Variants in IDO2 observed in about 807,000 individuals in gnomAD.
The protein encoded by IDO2 is indoleamine 2,3-dioxygenase-like 1 protein.
In IDO2, 46 loss-of-function variants were observed where a neutral mutation model predicts 45.1. That is an observed-to-expected ratio of 1.02 (90% CI 0.80 to 1.30). The LOEUF (loss-of-function observed/expected upper bound fraction) is 1.30. IDO2 is among the 50% of genes most tolerant of loss of function. The pLI is 0.00. For synonymous variants in IDO2, 218 were observed against 184.9 expected (o/e 1.18, Z -1.45); for missense variants, 544 against 491.8 (o/e 1.11, Z -1.00).
At chr8:39,977,618 C>T (rs1808278298) in intron 3 of IDO2, among the ~76,000 whole-genome samples, 1 of 152,196 alleles carries the variant, frequency 6.6e-6, no homozygotes, top group South Asian at 2.1e-4. Context: ...AAGTTCAAAG[C>T]TGCAGTGAGC....
intron 3 of IDO2, among the ~76,000 whole-genome samples, chr8:39,968,889 A>G (rs192686789): frequency 9.4e-6 from 1 of 106,482 alleles, no homozygotes; most frequent in Admixed American, 8.4e-5. Flanking sequence ...TTAAAAAAGT[A>G]AAAAAAAAAA....
intron 4 of IDO2, among the ~76,000 whole-genome samples, chr8:39,980,094 T>G (rs1016420380): frequency 3.3e-5 from 5 of 152,188 alleles, no homozygotes; most frequent in Admixed American, 3.3e-4. Flanking sequence ...GTGCTGGGAT[T>G]ACAGGCGTGA....
chr8:39,985,532 C>G lies in IDO2; in HGVS notation c.449+10C>G. The G allele has an allele frequency of 6.4e-7, 1 of 1,562,294 alleles. No homozygotes were observed. Among genetic ancestry groups the G allele is most frequent in the Non-Finnish European group, 8.7e-7 (1 of 1,151,884 alleles). ...GATTCCTGGAAATTGGGTAAGTTCT[C>G]AGAAATCATTTACGCACTTTAGAAT... On this transcript the variant is annotated intron_variant, in intron 6 of 10. Transcript: ENST00000502986.
At chr8:39,963,678 A>T in exon 3 of IDO2, 4 of 1,609,116 alleles carry the variant, frequency 2.5e-6, no homozygotes, top group Non-Finnish European at 3.4e-6. Context: ...ATTGATGCTC[A>T]CCAGCTTCAA....
chr8:39,937,059 A>C (rs1807563902), intron 1 of IDO2, among the ~76,000 whole-genome samples: 1 of 152,250 alleles, frequency 6.6e-6, no homozygotes, highest in South Asian at 2.1e-4. Context: ...TATTGTACAA[A>C]GAATATGATT....
At chr8:39,980,742 C>T (rs1038072263) in intron 4 of IDO2, among the ~76,000 whole-genome samples, 2 of 151,910 alleles carry the variant, frequency 1.3e-5, no homozygotes, top group African/African-American at 4.8e-5. Context: ...CAATGCATCT[C>T]TTTTCTTTTT....
At chr8:39,967,703 G>A (rs557074424) in intron 3 of IDO2, among the ~76,000 whole-genome samples, 38 of 152,256 alleles carry the variant, frequency 2.5e-4, no homozygotes, top group Admixed American at 1.8e-3. Flanking sequence ...GGCCAGGCTG[G>A]TCTCAAACTC....
chr8:40,011,487 G>A (rs1258925923), intron 9 of IDO2, among the ~76,000 whole-genome samples: 1 of 152,136 alleles, frequency 6.6e-6, no homozygotes, highest in African/African-American at 2.4e-5. Context: ...TTAGACTAGG[G>A]TCTTAACATT....
At chr8:40,005,330 A>G (rs762206622) in exon 9 of IDO2, 2 of 1,575,482 alleles carry the variant, frequency 1.3e-6, no homozygotes, top group Non-Finnish European at 1.7e-6. Context: ...TCTCCAGATT[A>G]TGTAGATCCA....
intron 2 of IDO2, among the ~76,000 whole-genome samples, chr8:39,954,896 A>G (rs1807867520): frequency 6.6e-6 from 1 of 151,382 alleles, no homozygotes; most frequent in Non-Finnish European, 1.5e-5. Flanking sequence ...GCCTCAAGTG[A>G]TCCGCGCACC....
intron 8 of IDO2, among the ~76,000 whole-genome samples, chr8:40,003,342 C>A (rs1802168539): frequency 6.9e-6 from 1 of 144,506 alleles, no homozygotes; most frequent in Non-Finnish European, 1.5e-5. Flanking sequence ...TGCACTCCAG[C>A]CTGGGTGAAG....
intron 8 of IDO2, among the ~76,000 whole-genome samples, chr8:39,990,577 G>A (rs1356150161): frequency 6.6e-6 from 1 of 152,092 alleles, no homozygotes; most frequent in Non-Finnish European, 1.5e-5. Context: ...TTCCAACATT[G>A]GCCTTGTGCC....
intron 5 of IDO2, 66 bp downstream of exon 5, chr8:39,982,836 T>C: frequency 9.4e-7 from 1 of 1,059,034 alleles, no homozygotes; most frequent in Non-Finnish European, 1.4e-6. Flanking sequence ...AGGCTTTTTT[T>C]TATAATTAGG....
chr8:39,953,595 C>G (rs938570771), intron 2 of IDO2, among the ~76,000 whole-genome samples: 4 of 152,060 alleles, frequency 2.6e-5, no homozygotes, highest in Non-Finnish European at 5.9e-5. Flanking sequence ...ACAGAGTCCG[C>G]TTTGTCGCCC....
chr8:39,966,221 G>A (rs1011542739), intron 3 of IDO2, among the ~76,000 whole-genome samples: 3 of 151,960 alleles, frequency 2.0e-5, no homozygotes, highest in East Asian at 1.9e-4. Context: ...TAGAGACGGG[G>A]TTTCACCATA....
rs1215334610 is a variant in IDO2 at position 39,981,432 on chromosome 8, C to A, written c.316-1220C>A. Among the ~76,000 whole-genome samples the A allele has an allele frequency of 2.0e-5, 3 of 152,152 alleles. No homozygotes were observed. In the East Asian group the frequency reaches 5.8e-4, roughly 30 times the overall value. On this transcript the variant is annotated intron_variant, in intron 4 of 10. Transcript: ENST00000502986. ...ACGTCCCAGTGGGTCCTCTTTATAC[C>A]ATCCCCTCTGCAAACCATTATCCTA...
intron 2 of IDO2, among the ~76,000 whole-genome samples, chr8:39,953,275 T>G (rs914199695): frequency 6.6e-6 from 1 of 152,152 alleles, no homozygotes; most frequent in African/African-American, 2.4e-5. Flanking sequence ...TCAAAGAATG[T>G]TACATGCAAG....
chr8:40,011,476 A>G (rs1563443471), intron 9 of IDO2, among the ~76,000 whole-genome samples: 1 of 152,216 alleles, frequency 6.6e-6, no homozygotes, highest in Non-Finnish European at 1.5e-5. Context: ...CATCAACTTT[A>G]TTAGACTAGG....
rs1802042918 is a variant in IDO2, at chr8:39,996,086, A to T, written c.667+6248A>T. On this transcript the variant is annotated intron_variant, in intron 8 of 10. Transcript: ENST00000502986. ...TATACCTAAGAGTAAAAAAAAAAAAAAAGAAAAGAAAAGGCGCTCGTTACT... is the reference window on the plus strand; with the variant it reads ...TATACCTAAGAGTAAAAAAAAAAAATAAGAAAAGAAAAGGCGCTCGTTACT... Among the ~76,000 whole-genome samples the T allele has an allele frequency of 2.7e-5, 4 of 150,882 alleles. No homozygotes were observed. In the South Asian group the frequency reaches 8.3e-4, roughly 31 times the overall value.
Sources: allele counts gnomAD v4.1 joint callset (sites outside exome capture counted in the v4.1 genomes callset), GRCh38; gene constraint gnomAD v4.1.1; transcripts MANE v1.5; gene names NCBI Gene and HGNC (gene_info 2026-07-23, HGNC 2026-07-21).